The following PKIA variants were observed in gnomAD, a reference collection of about 807,000 sequenced individuals.
PKIA encodes PKI-alpha.
In PKIA, 4 loss-of-function variants were observed where a neutral mutation model predicts 7.6. The ratio of observed to expected loss-of-function variants is 0.52; its 90% CI spans 0.26 to 1.20. The LOEUF is 1.20. Among genes scored for constraint, PKIA ranks in the 50% most tolerant of loss-of-function variants. The pLI, the probability that PKIA is intolerant of heterozygous loss-of-function variation, is 0.13. For synonymous variants in PKIA, 21 were observed against 30.7 expected (o/e 0.68, Z 1.04); for missense variants, 73 against 86.2 (o/e 0.85, Z 0.61).
intron 1 of PKIA, among the ~76,000 whole-genome samples, chr8:78,539,541 G>C (rs888238611): frequency 1.4e-4 from 21 of 151,924 alleles, no homozygotes; most frequent in African/African-American, 5.1e-4. Context: ...CTCTAACTCA[G>C]AGATTTTTAT....
intron 1 of PKIA, among the ~76,000 whole-genome samples, chr8:78,567,446 C>G (rs896350308): frequency 1.3e-5 from 2 of 151,706 alleles, no homozygotes; most frequent in African/African-American, 4.8e-5. Flanking sequence ...TGTACGATGC[C>G]CCACTGCTAA....
intron 2 of PKIA, among the ~76,000 whole-genome samples, chr8:78,588,331 T>C (rs971423158): frequency 2.0e-5 from 3 of 151,918 alleles, no homozygotes; most frequent in African/African-American, 7.3e-5. Flanking sequence ...AAATACAAAA[T>C]TAGCTAGGCA....
intron 2 of PKIA, among the ~76,000 whole-genome samples, chr8:78,597,241 G>T (rs376228702): frequency 2.0e-4 from 30 of 152,194 alleles, no homozygotes; most frequent in African/African-American, 6.7e-4. Flanking sequence ...AGTTTGATAG[G>T]AATAGCATTG....
intron 2 of PKIA, among the ~76,000 whole-genome samples, chr8:78,593,693 C>G (rs1465964017): frequency 6.6e-6 from 1 of 152,182 alleles, no homozygotes; most frequent in Non-Finnish European, 1.5e-5. Context: ...CTGACTTACT[C>G]ATAGACAGGC....
chr8:78,595,676 C>T (rs959473935), intron 2 of PKIA, among the ~76,000 whole-genome samples: 1 of 152,232 alleles, frequency 6.6e-6, no homozygotes, highest in South Asian at 2.1e-4. Context: ...TAAGTGAGAA[C>T]GTGCAGTGTT....
intron 2 of PKIA, among the ~76,000 whole-genome samples, chr8:78,580,145 G>A (rs570321280): frequency 8.6e-5 from 13 of 151,930 alleles, no homozygotes; most frequent in South Asian, 2.1e-4. Context: ...TTTAAGTTGC[G>A]AAGTATTAAA....
chr8:78,593,853 A>C (rs1030851553), intron 2 of PKIA, among the ~76,000 whole-genome samples: 14 of 149,684 alleles, frequency 9.4e-5, no homozygotes, highest in African/African-American at 3.6e-4. Flanking sequence ...CAGGTCCTTC[A>C]TCTATAAAAA....
At chr8:78,545,200 G>T (rs1350378926) in intron 1 of PKIA, among the ~76,000 whole-genome samples, 1 of 152,052 alleles carries the variant, frequency 6.6e-6, no homozygotes, top group Admixed American at 6.6e-5. Context: ...ATTTAGTAAT[G>T]CTTTTGTTTT....
At chr8:78,576,507 T>C (rs1422184868) in intron 2 of PKIA, among the ~76,000 whole-genome samples, 2 of 152,012 alleles carry the variant, frequency 1.3e-5, no homozygotes, top group Non-Finnish European at 2.9e-5. Flanking sequence ...TAGAAGTTTC[T>C]GTGATAATGG....
At chr8:78,575,233 G>A (rs972602158) in intron 2 of PKIA, among the ~76,000 whole-genome samples, 2 of 151,696 alleles carry the variant, frequency 1.3e-5, no homozygotes, top group African/African-American at 4.8e-5. Flanking sequence ...TGGAATCAAC[G>A]CTGCAGAATC....
intron 1 of PKIA, among the ~76,000 whole-genome samples, chr8:78,528,269 T>TA (rs1806297884): frequency 6.6e-6 from 1 of 152,090 alleles, no homozygotes; most frequent in Non-Finnish European, 1.5e-5. Flanking sequence ...ACTAGACTTT[T>TA]AAAAAACAGC....
chr8:78,568,301 A>G (rs776080361), intron 1 of PKIA, among the ~76,000 whole-genome samples: 8 of 152,148 alleles, frequency 5.3e-5, no homozygotes, highest in Non-Finnish European at 1.0e-4. Context: ...CTTCAACAGA[A>G]CACTTGACTT....
intron 1 of PKIA, among the ~76,000 whole-genome samples, chr8:78,516,776 T>C (rs546414763): frequency 2.0e-5 from 3 of 152,322 alleles, no homozygotes; most frequent in Non-Finnish European, 2.9e-5. Context: ...AGTTACTCTT[T>C]TGCTTTCTGT....
rs1808268133 is a variant in PKIA at position 78,598,088 on chromosome 8, ATAAT to A, written c.-27-265_-27-262del. ...TAATATGTATTATTAATTATTAATAATAATTAATATTATTACATTTAATATTAAT... is the reference window on the plus strand; with the variant it reads ...TAATATGTATTATTAATTATTAATAATAATATTATTACATTTAATATTAAT... On this transcript the variant is annotated intron_variant, in intron 2 of 3. Coordinates refer to ENST00000396418, the MANE Select transcript of PKIA (RefSeq NM_006823.4). Among the ~76,000 whole-genome samples, 6 of 148,198 alleles carry A rather than the reference ATAAT, an allele frequency of 4.0e-5. No homozygotes were observed. In the South Asian group the frequency reaches 8.4e-4, roughly 21 times the overall value.
chr8:78,537,025 T>C (rs1806544501), intron 1 of PKIA, among the ~76,000 whole-genome samples: 1 of 152,020 alleles, frequency 6.6e-6, no homozygotes, highest in Non-Finnish European at 1.5e-5. Flanking sequence ...GGCATATGGC[T>C]GGAGGAACTT....
chr8:78,526,035 G>A (rs186267620), intron 1 of PKIA, among the ~76,000 whole-genome samples: 203 of 152,062 alleles, frequency 1.3e-3, no homozygotes, highest in Non-Finnish European at 2.3e-3. Flanking sequence ...AAATATACAT[G>A]GTAAAGGTTA....
intron 1 of PKIA, among the ~76,000 whole-genome samples, chr8:78,530,471 TTCA>T (rs1806362891): frequency 6.6e-6 from 1 of 152,074 alleles, no homozygotes. Flanking sequence ...GTTATTTACT[TTCA>T]TCAACCCAAA....
At chr8:78,593,543 G>A (rs1339393943) in intron 2 of PKIA, among the ~76,000 whole-genome samples, 2 of 152,212 alleles carry the variant, frequency 1.3e-5, no homozygotes, top group Non-Finnish European at 2.9e-5. Flanking sequence ...TTGCTAGATT[G>A]ATGTGCATGT....
In PKIA at chr8:78,536,189, A is replaced by G. The variant is rs111693727; in HGVS notation, c.-157+19721A>G. Among the ~76,000 whole-genome samples the G allele has an allele frequency of 8.6e-4, 131 of 152,226 alleles. 2 individuals carry two copies. The highest frequency in any genetic ancestry group is 2.9e-3 in the African/African-American group (121 of 41,566). On this transcript the variant is annotated intron_variant, in intron 1 of 3. Transcript: ENST00000396418. The stretch of plus-strand genomic sequence containing the variant: ...ATTTTTAGCTTCTGAAATTTGTCCT[A>G]TTACTATTTAAAATTAAAAGAATAC...
Sources: gnomAD v4.1 joint callset for allele counts (sites outside exome capture counted in the v4.1 genomes callset) on GRCh38, gnomAD v4.1.1 for gene constraint, MANE v1.5 for transcripts, NCBI Gene and HGNC (gene_info 2026-07-23, HGNC 2026-07-21) for gene names.